The following SLC6A12 variants were observed in gnomAD, a reference collection of about 807,000 sequenced individuals.
SLC6A12 encodes the protein solute carrier family 6 member 12, also known as sodium- and chloride-dependent betaine transporter.
In SLC6A12, 50 loss-of-function variants were observed where a neutral mutation model predicts 73.3. The ratio of observed to expected loss-of-function variants is 0.68; its 90% CI spans 0.54 to 0.86. The LOEUF (loss-of-function observed/expected upper bound fraction) is 0.86, where lower values mean the gene tolerates loss of function less well. Among genes scored for constraint, SLC6A12 ranks in the 40% least tolerant of loss-of-function variants. SLC6A12 has a pLI of 0.00. For missense variants in SLC6A12, 648 were observed against 772.8 expected (o/e 0.84, Z 1.92); for synonymous variants, 304 against 309.2 (o/e 0.98, Z 0.18).
At chr12:187,181 C>T (rs1163703297), downstream of SLC6A12, among the ~76,000 whole-genome samples, 2 of 152,156 alleles carry the variant, frequency 1.3e-5, no homozygotes, top group Non-Finnish European at 2.9e-5. Flanking sequence ...CTCTGTTCAC[C>T]AGTCTGCAAC....
rs375032986 is a variant in SLC6A12, at chr12:190,962, C to T, written c.*106G>A. The stretch of plus-strand genomic sequence containing the variant: ...GTGCCTGTGGCTCTCCAGAGGTTCC[C>T]AGCAGGATTGTGGCAGGAGACAGAG... On this transcript the variant is annotated 3_prime_UTR_variant, in exon 16 of 16. Transcript: ENST00000684302. 1.5e-4 allele frequency: 157 copies of T among 1,040,254 alleles called. No individual in the cohort carries two copies. The East Asian group carries it at 3.0e-3, about 20-fold the overall frequency. 64.4% of individuals were successfully genotyped at this position (1,040,254 alleles called of 1,614,324 possible).
intron 1 of SLC6A12, among the ~76,000 whole-genome samples, chr12:212,886 G>A (rs546478734): frequency 3.3e-5 from 5 of 151,774 alleles, no homozygotes; most frequent in South Asian, 2.1e-4. Flanking sequence ...TTGCTAAGCC[G>A]GGACAGGGGG....
chr12:204,443 G>T, intron 4 of SLC6A12, 121 bp downstream of exon 4: 2 of 989,056 alleles, frequency 2.0e-6, no homozygotes, highest in South Asian at 1.4e-5. Context: ...TTCTGCACTT[G>T]GCGCAGGATA....
downstream of SLC6A12, among the ~76,000 whole-genome samples, chr12:187,589 C>CAAAAGAA: frequency 9.4e-6 from 1 of 106,074 alleles, no homozygotes; most frequent in Non-Finnish European, 1.7e-5. Context: ...TGCAAAAGAG[C>CAAAAGAA]AAAAAAAAAA....
Position 202,894 on chromosome 12 carries a change from G to A in SLC6A12, c.350-14C>T, listed in dbSNP as rs926683184. ...CCAGACCAATGCCTTCCAGAGTGGG[G>A]GAGAGATGGGGAGGGACAAGAGAGA... On this transcript the variant is annotated splice_polypyrimidine_tract_variant and intron_variant, in intron 4 of 15. Transcript: ENST00000684302. The A allele has an allele frequency of 1.2e-6, 2 of 1,612,804 alleles. No individual in the cohort carries two copies. The highest frequency in any genetic ancestry group is 1.7e-6 in the Non-Finnish European group (2 of 1,179,376).
intron 6 of SLC6A12, 56 bp from the exon 7 acceptor site, chr12:200,839 G>A (rs181925311): frequency 8.3e-5 from 130 of 1,564,786 alleles, no homozygotes; most frequent in Middle Eastern, 6.8e-4. Flanking sequence ...GACAGTTTGC[G>A]TCTGTCAGCA....
At chr12:189,262 C>T (rs905609045), downstream of SLC6A12, among the ~76,000 whole-genome samples, 1 of 152,156 alleles carries the variant, frequency 6.6e-6, no homozygotes, top group African/African-American at 2.4e-5. Flanking sequence ...CGCTACTCCC[C>T]TCTGCCACCC....
rs747426899 is a variant in SLC6A12 at position 193,311 on chromosome 12, A to G, written c.1496T>C (p.Ile499Thr). 6.2e-7 allele frequency: 1 copy of G among 1,613,924 alleles called. No individual in the cohort carries two copies. Among genetic ancestry groups the G allele is most frequent in the African/African-American group, 1.3e-5 (1 of 75,014 alleles). The change falls in exon 14 of 16, where the codon ATC becomes ACC. Residue 499 changes from isoleucine to threonine, a missense_variant. Transcript: ENST00000684302. Reference protein sequence around the residue: ...IGYRPWPLVKISWLFLTPGLC... With the variant: ...IGYRPWPLVKTSWLFLTPGLC... Reference sequence around the variant, plus strand: ...TCCAGGGGTCAGGAAGAGCCAGGAGATCTTCACCAGGGGCCATGGCCGGTA... The same window carrying G: ...TCCAGGGGTCAGGAAGAGCCAGGAGGTCTTCACCAGGGGCCATGGCCGGTA...
At position 191,133 on chromosome 12, in the gene SLC6A12, G is replaced by C. The variant is rs752352891; in HGVS notation, c.1780C>G (p.Arg594Gly). The change falls in exon 16 of 16, where the codon CGG becomes GGG. Residue 594 changes from arginine (R) to glycine (G), a missense_variant. Arg to Gly is a moderately radical substitution (Grantham distance 125). Coordinates refer to ENST00000684302, the MANE Select transcript of SLC6A12 (RefSeq NM_001122848.3). ...QHPCLDGSAG[R>G]NFGPSPTREG... ...CTTGTTGGGGAGGGCCCAAAGTTCC[G>C]GCCAGCACTGCCATCCAAGCAGGGA... 8 of 1,344,880 alleles carry C rather than the reference G, an allele frequency of 5.9e-6. No homozygotes were observed. The South Asian group carries it at 1.3e-4, about 21-fold the overall frequency. 83.3% of individuals were successfully genotyped at this position (1,344,880 alleles called of 1,614,324 possible). A position where few individuals can be genotyped will look rare whatever the true frequency, so the allele number is the denominator to read the frequency against.
intron 10 of SLC6A12, among the ~76,000 whole-genome samples, chr12:197,096 T>TCTATCCATCCATCCATCTAC (rs1565468883): frequency 8.2e-5 from 3 of 36,604 alleles, no homozygotes; most frequent in African/African-American, 3.3e-4. Flanking sequence ...CATCCATCCA[T>TCTATCCATCCATCCATCTAC]CCATCCATCC....
rs752220360 is a variant in SLC6A12, at chr12:190,277, C to T, written c.*791G>A. On this transcript the variant is annotated 3_prime_UTR_variant, in exon 16 of 16. Transcript: ENST00000684302. ...TGAAGTCAGGGGTTTGCGTTAGAAG[C>T]AGGATGGCAAATGGTGCTGCCTGGA... is the stretch of plus-strand genomic sequence containing the variant. The T allele has an allele frequency of 1.3e-5, 2 of 152,202 alleles. No homozygotes were observed. Among genetic ancestry groups the T allele is most frequent in the Non-Finnish European group, 2.9e-5 (2 of 68,034 alleles). 9.4% of individuals were successfully genotyped at this position (152,202 alleles called of 1,614,324 possible).
rs1940016425 is a variant in SLC6A12 at position 198,082 on chromosome 12, C to T, written c.847-79G>A. 6.3e-6 allele frequency: 7 copies of T among 1,119,798 alleles called. No homozygotes were observed. Among genetic ancestry groups the T allele is most frequent in the South Asian group, 3.9e-5 (3 of 77,354 alleles). 69.4% of individuals were successfully genotyped at this position (1,119,798 alleles called of 1,614,324 possible). A position where few individuals can be genotyped will look rare whatever the true frequency, so the allele number is the denominator to read the frequency against. ...GGTGACCCGAGATCCAGACCCGTCC[C>T]CTGCAGCACCAGCCTGGCCCCTCAG... On this transcript the variant is annotated intron_variant, in intron 8 of 15. Transcript: ENST00000684302. This position sits in a 1 kb window ranked among gnomAD's most constrained non-coding sequence, Gnocchi z 4.0.
intron 13 of SLC6A12, 23 bp from the exon 14 acceptor site, chr12:193,400 A>C: frequency 6.4e-7 from 1 of 1,570,622 alleles, no homozygotes; most frequent in Non-Finnish European, 8.8e-7. Context: ...GGCGTGGGAG[A>C]GTGTGAGAGC....
Position 198,121 on chromosome 12 carries a change from C to T in SLC6A12, c.847-118G>A. ...CTGGCCCCTCAGTGCTCCCTGAGCG[C>T]TTCCCTCCTGCATCCCAACTCTCCG... On this transcript the variant is annotated intron_variant, in intron 8 of 15. Transcript: ENST00000684302. This position sits in a 1 kb window ranked among gnomAD's most constrained non-coding sequence, Gnocchi z 4.0. 2 of 734,706 alleles carry T rather than the reference C, an allele frequency of 2.7e-6. No homozygotes were observed. Among genetic ancestry groups the T allele is most frequent in the South Asian group, 1.7e-5 (1 of 59,370 alleles). The allele number at this position is 734,706 out of a possible 1,614,324, so 45.5% of individuals were successfully genotyped here.
At chr12:199,667 CAG>C (rs2137144993) in intron 7 of SLC6A12, 1 of 152,296 alleles carries the variant, frequency 6.6e-6, no homozygotes, top group African/African-American at 2.4e-5. Context: ...GGAACAGACT[CAG>C]TGTATGGCCA....
At position 205,433 on chromosome 12, in the gene SLC6A12, G is replaced by A. The variant is rs78243090; in HGVS notation, c.215-735C>T. Among the ~76,000 whole-genome samples, 923 of 152,284 alleles carry A rather than the reference G, an allele frequency of 6.1e-3. 11 individuals carry two copies. Among genetic ancestry groups the A allele is most frequent in the African/African-American group, 0.021 (864 of 41,544 alleles). ...TACTTCATGTCAGGCACTCTTGTACGTACTTCATCAACATCACAGTCCTTG... is the reference window on the plus strand; with the variant it reads ...TACTTCATGTCAGGCACTCTTGTACATACTTCATCAACATCACAGTCCTTG... On this transcript the variant is annotated intron_variant, in intron 3 of 15. Transcript: ENST00000684302.
At chr12:197,179 A>T in intron 10 of SLC6A12, among the ~76,000 whole-genome samples, 198 bp downstream of exon 10, 2 of 60,896 alleles carry the variant, frequency 3.3e-5, no homozygotes, top group African/African-American at 5.4e-5. Flanking sequence ...CCATCCATCC[A>T]TCCATCCATC....
intron 10 of SLC6A12, 48 bp downstream of exon 10, chr12:197,327 TTC>T (rs749898745): frequency 2.5e-6 from 4 of 1,572,022 alleles, no homozygotes; most frequent in Middle Eastern, 1.7e-4. Flanking sequence ...GAGAAGTGTG[TTC>T]TCTGACTCTC....
In SLC6A12 at chr12:197,845, C is replaced by T; in HGVS notation, c.950+55G>A. ...AGAGACTATGGGTCTTTGCCCAGAA[C>T]CCATCCCCAGGCCCCAACCCTCCTT... On this transcript the variant is annotated intron_variant, in intron 9 of 15. Coordinates refer to ENST00000684302, the MANE Select transcript of SLC6A12 (RefSeq NM_001122848.3). 2.3e-6 allele frequency: 3 copies of T among 1,303,930 alleles called. No homozygotes were observed. The South Asian group carries it at 3.7e-5, about 16-fold the overall frequency. The allele number at this position is 1,303,930 out of a possible 1,614,324, so 80.8% of individuals were successfully genotyped here.
Sources: allele counts gnomAD v4.1 joint callset (sites outside exome capture counted in the v4.1 genomes callset), GRCh38; gene constraint gnomAD v4.1.1; non-coding constraint Gnocchi (gnomAD v3.1); transcripts MANE v1.5; gene names NCBI Gene and HGNC (gene_info 2026-07-23, HGNC 2026-07-21).